Variants in TTC28 observed in about 807,000 individuals in gnomAD.
TTC28 encodes the protein tetratricopeptide repeat domain 28.
TTC28 carries 61 observed loss-of-function variants against 198.0 expected under a neutral mutation model. That is an observed-to-expected ratio of 0.31 (90% CI 0.25 to 0.38). The LOEUF (loss-of-function observed/expected upper bound fraction) is 0.38, where lower values mean the gene tolerates loss of function less well. TTC28 is among the 10% of genes least tolerant of loss of function. TTC28 has a pLI of 1.00. For synonymous variants in TTC28, 1,171 were observed against 1,297.8 expected (o/e 0.90, Z 2.10); for missense variants, 2,678 against 3,164.0 (o/e 0.85, Z 3.69).
At chr22:28,413,030 T>C (rs761840039) in intron 2 of TTC28, among the ~76,000 whole-genome samples, 21 of 152,200 alleles carry the variant, frequency 1.4e-4, no homozygotes, top group Non-Finnish European at 2.4e-4. Context: ...TGAAAAATCA[T>C]CTCACTCGCT....
rs370355778 is a variant in TTC28, at chr22:28,571,154, G to A, written c.381+58398C>T. ...ATTTATGCCTATTCCTCAGTGCCAA[G>A]TATATGAGGCTATGTGGAATTTTGA... On this transcript the variant is annotated intron_variant, in intron 2 of 22. Transcript: ENST00000397906. Among the ~76,000 whole-genome samples, 19 of 152,236 alleles carry A rather than the reference G, an allele frequency of 1.2e-4. No individual in the cohort carries two copies. The East Asian group carries it at 3.5e-3, about 28-fold the overall frequency.
At chr22:28,450,529 C>T (rs2047763669) in intron 2 of TTC28, among the ~76,000 whole-genome samples, 1 of 152,146 alleles carries the variant, frequency 6.6e-6, no homozygotes. Context: ...ATTATCCGCA[C>T]ACAAGCACAC....
intron 5 of TTC28, among the ~76,000 whole-genome samples, chr22:28,176,847 A>G (rs1180767557): frequency 6.6e-6 from 1 of 152,196 alleles, no homozygotes; most frequent in Non-Finnish European, 1.5e-5. Context: ...ACTAGACATC[A>G]CATACAAAAA....
intron 2 of TTC28, among the ~76,000 whole-genome samples, chr22:28,621,720 G>T (rs2051000904): frequency 6.9e-6 from 1 of 144,278 alleles, no homozygotes; most frequent in African/African-American, 2.6e-5. Flanking sequence ...TCCAGCCTGG[G>T]TGACAGAGCA....
intron 21 of TTC28, among the ~76,000 whole-genome samples, chr22:27,989,240 C>G (rs1937314369): frequency 6.6e-6 from 1 of 152,218 alleles, no homozygotes; most frequent in South Asian, 2.1e-4. Flanking sequence ...ATGTGCAGTC[C>G]TAGGTACCCA....
chr22:28,373,580 AG>A (rs1359566775), intron 2 of TTC28, among the ~76,000 whole-genome samples: 4 of 152,234 alleles, frequency 2.6e-5, no homozygotes, highest in Non-Finnish European at 5.9e-5. Flanking sequence ...CATTTAATGT[AG>A]ATTTATCATC....
At chr22:28,342,659 A>G (rs1475966995) in intron 2 of TTC28, among the ~76,000 whole-genome samples, 1 of 152,214 alleles carries the variant, frequency 6.6e-6, no homozygotes, top group Non-Finnish European at 1.5e-5. Context: ...ATACATACGC[A>G]TATATGAAAA....
intron 5 of TTC28, among the ~76,000 whole-genome samples, chr22:28,287,016 C>T (rs934960333): frequency 1.3e-5 from 2 of 152,148 alleles, no homozygotes; most frequent in Non-Finnish European, 2.9e-5. Flanking sequence ...GGAGAACTGA[C>T]AAGCTAATTC....
At chr22:28,480,340 T>C (rs959107189) in intron 2 of TTC28, among the ~76,000 whole-genome samples, 7 of 152,216 alleles carry the variant, frequency 4.6e-5, no homozygotes, top group Non-Finnish European at 8.8e-5. Flanking sequence ...TATCTTGCCA[T>C]AAAACTAAAA....
chr22:28,537,182 A>C (rs1418938748), intron 2 of TTC28, among the ~76,000 whole-genome samples: 2 of 150,480 alleles, frequency 1.3e-5, no homozygotes, highest in African/African-American at 4.9e-5. Context: ...AGTCCCAGCT[A>C]CTCGGGAGGC....
At chr22:28,267,417 A>G (rs9306454) in intron 5 of TTC28, among the ~76,000 whole-genome samples, 41,259 of 152,080 alleles carry the variant, frequency 0.27, 6,984 homozygotes, top group Middle Eastern at 0.41. Context: ...AGGACACTAA[A>G]ACAGCTAGGT....
chr22:28,021,684 G>A (rs1291922696), intron 13 of TTC28, among the ~76,000 whole-genome samples: 1 of 152,148 alleles, frequency 6.6e-6, no homozygotes, highest in Non-Finnish European at 1.5e-5. Context: ...AACACAGGTG[G>A]CAGAACGAGG....
At chr22:28,165,452 G>A in intron 5 of TTC28, among the ~76,000 whole-genome samples, 1 of 151,386 alleles carries the variant, frequency 6.6e-6, no homozygotes. Flanking sequence ...CCCACAAAGG[G>A]AAGCCCATCA....
intron 1 of TTC28, among the ~76,000 whole-genome samples, chr22:28,677,170 AAAAAAATATATAT>A (rs1365452669): frequency 1.0e-3 from 21 of 20,530 alleles, no homozygotes; most frequent in Non-Finnish European, 1.6e-3. Flanking sequence ...AAAAAAAAAA[AAAAAAATATATAT>A]ATATATATAT....
chr22:28,503,566 T>C (rs958946452), intron 2 of TTC28, among the ~76,000 whole-genome samples: 6 of 152,214 alleles, frequency 3.9e-5, no homozygotes, highest in African/African-American at 1.2e-4. Flanking sequence ...ATAAAAATGC[T>C]ACCTCACTGA....
chr22:28,601,777 GACACACACACACACAC>G lies in TTC28; in HGVS notation c.381+27759_381+27774del, dbSNP rs34208241. 2.8e-3 allele frequency among the ~76,000 whole-genome samples: 397 copies of G among 141,554 alleles called. 12 individuals are homozygous for G. The East Asian group carries it at 0.056, about 20-fold the overall frequency. The allele number at this position is 141,554 out of a possible 152,430, so 92.9% of individuals were successfully genotyped here. A position where few individuals can be genotyped will look rare whatever the true frequency, so the allele number is the denominator to read the frequency against. Reference sequence around the variant, plus strand: ...AAGATTCACAGCAGAGTAAACCCTAGACACACACACACACACACACACACACACACACACACACAGT... The same window carrying G: ...AAGATTCACAGCAGAGTAAACCCTAGACACACACACACACACACACACAGT... On this transcript the variant is annotated intron_variant, in intron 2 of 22. Transcript: ENST00000397906.
chr22:28,513,766 A>G (rs548163030), intron 2 of TTC28, among the ~76,000 whole-genome samples: 18 of 152,294 alleles, frequency 1.2e-4, no homozygotes, highest in African/African-American at 4.3e-4. Context: ...AAATATACAT[A>G]TATCTATACA....
At chr22:28,281,999 C>T (rs972717643) in intron 5 of TTC28, among the ~76,000 whole-genome samples, 19 of 152,276 alleles carry the variant, frequency 1.2e-4, no homozygotes, top group African/African-American at 4.6e-4. Context: ...ATCAATAAGG[C>T]TACAAGTTTC....
chr22:28,550,028 T>C (rs1156267873), intron 2 of TTC28, among the ~76,000 whole-genome samples: 1 of 152,196 alleles, frequency 6.6e-6, no homozygotes, highest in Admixed American at 6.5e-5. Flanking sequence ...ATCAATCCAT[T>C]TTAAGATCAA....
Sources: gnomAD v4.1 joint callset for allele counts (sites outside exome capture counted in the v4.1 genomes callset) on GRCh38, gnomAD v4.1.1 for gene constraint, MANE v1.5 for transcripts, NCBI Gene and HGNC (gene_info 2026-07-23, HGNC 2026-07-21) for gene names.